CFAP221: variants seen among roughly 807,000 people sequenced by gnomAD.
The protein encoded by CFAP221 is cilia- and flagella-associated protein 221.
In CFAP221, 97 loss-of-function variants were observed where a neutral mutation model predicts 113.1. That is an observed-to-expected ratio of 0.86 (90% CI 0.73 to 1.02). The LOEUF (loss-of-function observed/expected upper bound fraction) is 1.02, where lower values mean the gene tolerates loss of function less well. Ranked by LOEUF, CFAP221 falls within the 50% of genes least tolerant of loss-of-function variation. The pLI is 0.00. For missense variants in CFAP221, 1,025 were observed against 1,013.4 expected (o/e 1.01, Z -0.16); for synonymous variants, 331 against 354.4 (o/e 0.93, Z 0.74).
chr2:119,649,435 A>T (rs1342612490), intron 22 of CFAP221, among the ~76,000 whole-genome samples: 1 of 152,194 alleles, frequency 6.6e-6, no homozygotes, highest in East Asian at 1.9e-4. Flanking sequence ...ATTTATCAAC[A>T]TATTTTTCTG....
Position 119,656,346 on chromosome 2 carries a change from GT to G in CFAP221, c.2415-10del. ...AAGTGTCCTCATGTTTCCTTCTTGGGTTTTTTGATACTCAGAGAAGTGAAAG... is the reference window on the plus strand; with the variant it reads ...AAGTGTCCTCATGTTTCCTTCTTGGGTTTTTGATACTCAGAGAAGTGAAAG... On this transcript the variant is annotated splice_polypyrimidine_tract_variant and intron_variant, in intron 23 of 23. Coordinates refer to ENST00000413369, the MANE Select transcript of CFAP221 (RefSeq NM_001271049.2). 1.2e-6 allele frequency: 2 copies of G among 1,610,276 alleles called. No homozygotes were observed. The highest frequency in any genetic ancestry group is 1.7e-6 in the Non-Finnish European group (2 of 1,176,548).
At chr2:119,572,181 T>C (rs1682106356) in intron 6 of CFAP221, among the ~76,000 whole-genome samples, 1 of 152,232 alleles carries the variant, frequency 6.6e-6, no homozygotes, top group African/African-American at 2.4e-5. Context: ...TAAACAACTT[T>C]GGTGGCTTGA....
chr2:119,587,205 C>G lies in CFAP221; in HGVS notation c.614C>G (p.Ala205Gly), dbSNP rs1014414030. The change falls in exon 7 of 24, where the codon GCT (alanine) becomes GGT (glycine). Residue 205 changes from alanine (A) to glycine (G), a missense_variant. By Grantham distance (60) the Ala-to-Gly change is moderately conservative (BLOSUM62 0). Transcript: ENST00000413369. Reference protein sequence around the residue: ...ITLIQSHQAFAIEPTSGIIPA... With the variant: ...ITLIQSHQAFGIEPTSGIIPA... ...TTGATTCAGTCTCATCAAGCCTTTG[C>G]TATTGAGCCAACATCAGGTAAGGAG... 150 of 1,527,714 alleles carry G rather than the reference C, an allele frequency of 9.8e-5. No individual in the cohort carries two copies. In the African/African-American group the frequency reaches 1.9e-3, roughly 20 times the overall value. The allele number at this position is 1,527,714 out of a possible 1,614,324, so 94.6% of individuals were successfully genotyped here.
At chr2:119,601,663 A>T (rs1204880294) in intron 8 of CFAP221, 2 of 278,266 alleles carry the variant, frequency 7.2e-6, no homozygotes, top group Non-Finnish European at 1.3e-5. Flanking sequence ...TTTTTTTACC[A>T]TATGCATGTC....
In CFAP221 at chr2:119,630,637, G is replaced by A; in HGVS notation, c.1799G>A (p.Arg600Lys). The change falls in exon 18 of 24, where the codon AGA becomes AAA. Residue 600 changes from arginine (R) to lysine (K), a missense_variant. Arg to Lys is a conservative substitution (Grantham distance 26, BLOSUM62 2). Transcript: ENST00000413369. ...GTCCACAAGTCTTCAACAAGTTACA[G>A]ACCTCAAAAGCTTGCCCGAGCCCTA... ...FSVHKSSTSY[R>K]PQKLARALKQ... is the part of the protein sequence containing the mutation. The A allele has an allele frequency of 6.2e-7, 1 of 1,614,014 alleles. No individual in the cohort carries two copies. The highest frequency in any genetic ancestry group is 1.1e-5 in the South Asian group (1 of 91,076).
chr2:119,637,303 C>A (rs1297394162), intron 19 of CFAP221, among the ~76,000 whole-genome samples: 1 of 152,192 alleles, frequency 6.6e-6, no homozygotes, highest in Non-Finnish European at 1.5e-5. Context: ...TCTGCACCAA[C>A]GCTTACCTCC....
At chr2:119,643,982 G>A (rs979632663) in intron 21 of CFAP221, among the ~76,000 whole-genome samples, 3 of 151,890 alleles carry the variant, frequency 2.0e-5, no homozygotes, top group East Asian at 2.0e-4. Flanking sequence ...GTGAAACCTC[G>A]TCTCTACTAA....
rs1157816142 is a variant in CFAP221 at position 119,544,474 on chromosome 2, G to A, written c.-84G>A. 1 of 151,768 alleles carries A rather than the reference G, an allele frequency of 6.6e-6. No homozygotes were observed. Among genetic ancestry groups the A allele is most frequent in the Admixed American group, 6.6e-5 (1 of 15,234 alleles). The allele number at this position is 151,768 out of a possible 1,614,324, so 9.4% of individuals were successfully genotyped here. The stretch of plus-strand genomic sequence containing the variant: ...GACGCTCCGAGCGGGCGCCGGCGCT[G>A]GCGCCGGCCGAATCCGGCCCGGGAA... On this transcript the variant is annotated 5_prime_UTR_variant, in exon 1 of 24. Transcript: ENST00000413369.
chr2:119,587,378 G>A (rs1009233538), intron 7 of CFAP221, among the ~76,000 whole-genome samples, 156 bp downstream of exon 7: 1 of 152,218 alleles, frequency 6.6e-6, no homozygotes, highest in Non-Finnish European at 1.5e-5. Flanking sequence ...GGGATCATTT[G>A]TATCATGCAG....
chr2:119,608,592 C>A lies in CFAP221; in HGVS notation c.1221+3C>A. The A allele has an allele frequency of 6.2e-7, 1 of 1,603,648 alleles. No individual in the cohort carries two copies. Among genetic ancestry groups the A allele is most frequent in the South Asian group, 1.1e-5 (1 of 90,362 alleles). ...AAAAAGCATGTGCCAAATATAAGGT[C>A]AGAGTTACTGCTAATTTGCTATCAT... On this transcript the variant is annotated splice_donor_region_variant and intron_variant, in intron 12 of 23. Coordinates refer to ENST00000413369, the MANE Select transcript of CFAP221 (RefSeq NM_001271049.2).
intron 8 of CFAP221, among the ~76,000 whole-genome samples, chr2:119,604,452 CAAAA>C (rs372078139): frequency 1.4e-5 from 2 of 148,146 alleles, no homozygotes; most frequent in African/African-American, 2.5e-5. Flanking sequence ...GAATGTAAGG[CAAAA>C]AAAAACCGTT....
chr2:119,546,315 C>T (rs1183558766), intron 2 of CFAP221, 45 bp downstream of exon 2: 1 of 1,517,100 alleles, frequency 6.6e-7, no homozygotes, highest in South Asian at 1.2e-5. Flanking sequence ...CACATCTTCC[C>T]AGGCGAGCCA....
intron 7 of CFAP221, among the ~76,000 whole-genome samples, chr2:119,593,931 G>A (rs1683772347): frequency 6.6e-6 from 1 of 152,078 alleles, no homozygotes; most frequent in African/African-American, 2.4e-5. Flanking sequence ...GTAAGAGATG[G>A]TGCTCAGCCA....
intron 7 of CFAP221, among the ~76,000 whole-genome samples, chr2:119,598,295 A>G (rs922344546): frequency 6.6e-6 from 1 of 152,190 alleles, no homozygotes; most frequent in African/African-American, 2.4e-5. Context: ...ATAACTTTTC[A>G]TACTTTTGCA....
rs1409024704 is a variant in CFAP221, at chr2:119,544,472, C to G, written c.-86C>G. The G allele has an allele frequency of 6.6e-6, 1 of 151,772 alleles. No individual in the cohort carries two copies. The highest frequency in any genetic ancestry group is 2.4e-5 in the African/African-American group (1 of 41,324). The allele number at this position is 151,772 out of a possible 1,614,324, so 9.4% of individuals were successfully genotyped here. ...GCGACGCTCCGAGCGGGCGCCGGCG[C>G]TGGCGCCGGCCGAATCCGGCCCGGG... On this transcript the variant is annotated 5_prime_UTR_variant, in exon 1 of 24. Transcript: ENST00000413369.
At chr2:119,569,806 A>G (rs1227083845) in intron 6 of CFAP221, among the ~76,000 whole-genome samples, 1 of 151,862 alleles carries the variant, frequency 6.6e-6, no homozygotes, top group Middle Eastern at 3.2e-3. Flanking sequence ...GGCATTCTTC[A>G]TTTCTGTTAT....
intron 6 of CFAP221, among the ~76,000 whole-genome samples, chr2:119,577,683 T>C (rs1682548710): frequency 6.6e-6 from 1 of 152,168 alleles, no homozygotes; most frequent in Non-Finnish European, 1.5e-5. Flanking sequence ...CTCATAGGGT[T>C]GTTAAGAGAG....
At chr2:119,561,386 A>G (rs1487255947) in intron 5 of CFAP221, among the ~76,000 whole-genome samples, 1 of 152,258 alleles carries the variant, frequency 6.6e-6, no homozygotes, top group Non-Finnish European at 1.5e-5. Flanking sequence ...CAGGCATTGT[A>G]TAAAATGCCA....
intron 3 of CFAP221, 62 bp from the exon 4 acceptor site, chr2:119,559,627 A>G (rs1247733036): frequency 7.5e-7 from 1 of 1,340,026 alleles, no homozygotes; most frequent in Non-Finnish European, 1.0e-6. Flanking sequence ...AGTCTACATA[A>G]ATGAGGTGAG....
Sources: gnomAD v4.1 joint callset for allele counts (sites outside exome capture counted in the v4.1 genomes callset) on GRCh38, gnomAD v4.1.1 for gene constraint, MANE v1.5 for transcripts, NCBI Gene and HGNC (gene_info 2026-07-23, HGNC 2026-07-21) for gene names.